COPG1: variants seen among roughly 807,000 people sequenced by gnomAD.
COPG1 encodes coatomer subunit gamma-1.
In COPG1, 29 loss-of-function variants were observed where a neutral mutation model predicts 102.8. The observed-to-expected ratio is 0.28, with a 90% CI of 0.21 to 0.38. The LOEUF (loss-of-function observed/expected upper bound fraction) is 0.38. COPG1 is among the 10% of genes least tolerant of loss of function. COPG1 has a pLI of 1.00. For missense variants in COPG1, 875 were observed against 1,132.7 expected (o/e 0.77, Z 3.27); for synonymous variants, 406 against 421.6 (o/e 0.96, Z 0.45).
rs1270458650 is a variant in COPG1, at chr3:129,260,330, C to T, written c.872-3C>T. On this transcript the variant is annotated splice_polypyrimidine_tract_variant and splice_region_variant and intron_variant, in intron 10 of 23. Coordinates refer to ENST00000314797, the MANE Select transcript of COPG1 (RefSeq NM_016128.4). ...CTGACATGTGGCATCCATCTCCCCA[C>T]AGTGCTCCAGCTTTTCTGCAGCTCA... 5 of 1,614,032 alleles carry T rather than the reference C, an allele frequency of 3.1e-6. No individual in the cohort carries two copies. Among genetic ancestry groups the T allele is most frequent in the Non-Finnish European group, 3.4e-6 (4 of 1,179,948 alleles).
chr3:129,257,639 C>CG lies in COPG1; in HGVS notation c.737+12_737+13insG, dbSNP rs1445724060. 7.4e-6 allele frequency: 12 copies of CG among 1,614,074 alleles called. No individual in the cohort carries two copies. The highest frequency in any genetic ancestry group is 1.0e-5 in the Non-Finnish European group (12 of 1,180,030). On this transcript the variant is annotated intron_variant, in intron 9 of 23. Transcript: ENST00000314797. Reference sequence around the variant, plus strand: ...GAGGAGGATGGCAGGTAACGGCTCTCATCTCTCACCAGCTAGATGATGCCT... The same window carrying CG: ...GAGGAGGATGGCAGGTAACGGCTCTCGATCTCTCACCAGCTAGATGATGCCT...
chr3:129,260,592 C>G, intron 11 of COPG1, 27 bp from the exon 12 acceptor site: 1 of 1,610,138 alleles, frequency 6.2e-7, no homozygotes, highest in Non-Finnish European at 8.5e-7. Context: ...GGTTCCTGCC[C>G]TCTCTGTCAC....
In COPG1 at chr3:129,268,554, T is replaced by C. The variant is rs776358572; in HGVS notation, c.1708T>C (p.Ser570Pro). 1 of 1,614,116 alleles carries C rather than the reference T, an allele frequency of 6.2e-7. No individual in the cohort carries two copies. The highest frequency in any genetic ancestry group is 1.1e-5 in the South Asian group (1 of 91,078). ...TCTGCAGCAGTACACTCTAGAACCA[T>C]CAGAAAAACCTTTTGACCTCAAGTC... is the stretch of plus-strand genomic sequence containing the variant. Reference protein sequence around the residue: ...RALQQYTLEPSEKPFDLKSVP... With the variant: ...RALQQYTLEPPEKPFDLKSVP... The change falls in exon 17 of 24, where the codon TCA becomes CCA. Residue 570 changes from serine (S) to proline (P), a missense_variant. Ser to Pro is a moderately conservative substitution (Grantham distance 74). Coordinates refer to ENST00000314797, the MANE Select transcript of COPG1 (RefSeq NM_016128.4).
At position 129,256,057 on chromosome 3, in the gene COPG1, G is replaced by A. The variant is rs762583744; in HGVS notation, c.493-11G>A. 1 of 1,613,148 alleles carries A rather than the reference G, an allele frequency of 6.2e-7. No individual in the cohort carries two copies. The highest frequency in any genetic ancestry group is 1.1e-5 in the South Asian group (1 of 91,034). On this transcript the variant is annotated splice_polypyrimidine_tract_variant and intron_variant, in intron 7 of 23. Transcript: ENST00000314797. Reference sequence around the variant, plus strand: ...TCCTACCTGCCCCTTAATGTGTCCTGTTGCCCACAGCACCTGCTGAAGTGC... The same window carrying A: ...TCCTACCTGCCCCTTAATGTGTCCTATTGCCCACAGCACCTGCTGAAGTGC...
Position 129,271,855 on chromosome 3 carries a change from G to A in COPG1, c.1932G>A (p.Thr644=), listed in dbSNP as rs563330778. ...CCGTGGCCCTCACCGAGTCAGAGAC[G>A]GAGTATGTCATCCGCTGCACCAAAC... ...PEPVALTESE[T]EYVIRCTKHT... is the part of the protein sequence containing the mutation. Residue 644 remains threonine, a synonymous_variant, in exon 19 of 24, where the codon ACG becomes ACA. Coordinates refer to ENST00000314797, the MANE Select transcript of COPG1 (RefSeq NM_016128.4). This position sits in a 1 kb window ranked among gnomAD's most constrained non-coding sequence, Gnocchi z 4.7. 3.1e-6 allele frequency: 5 copies of A among 1,614,168 alleles called. No homozygotes were observed. The highest frequency in any genetic ancestry group is 3.4e-6 in the Non-Finnish European group (4 of 1,180,026).
Position 129,272,074 on chromosome 3 carries a change from G to A in COPG1, c.1986+165G>A, listed in dbSNP as rs926439560. On this transcript the variant is annotated intron_variant, in intron 19 of 23. Coordinates refer to ENST00000314797, the MANE Select transcript of COPG1 (RefSeq NM_016128.4). The stretch of plus-strand genomic sequence containing the variant: ...TCGGTCTCTCATATCTCTTGACTCG[G>A]GACATCCATGGCTCCCGATTGTCAG... The A allele has an allele frequency of 5.1e-6, 5 of 986,376 alleles. No individual in the cohort carries two copies. The African/African-American group carries it at 8.2e-5, about 16-fold the overall frequency. The allele number at this position is 986,376 out of a possible 1,614,324, so 61.1% of individuals were successfully genotyped here.
chr3:129,275,257 C>G lies in COPG1; in HGVS notation c.2459C>G (p.Pro820Arg). 1 of 1,614,040 alleles carries G rather than the reference C, an allele frequency of 6.2e-7. No homozygotes were observed. The highest frequency in any genetic ancestry group is 8.5e-7 in the Non-Finnish European group (1 of 1,179,982). The change falls in exon 23 of 24, where the codon CCG becomes CGG. Residue 820 changes from proline (P) to arginine (R), a missense_variant. Coordinates refer to ENST00000314797, the MANE Select transcript of COPG1 (RefSeq NM_016128.4). The surrounding 1 kb of genome is among the most constrained non-coding windows in gnomAD (Gnocchi z 5.0). ...MHPCERSDKVPDNKNTHTLLL... is the reference protein window; with the variant it reads ...MHPCERSDKVRDNKNTHTLLL... ...CCTTGTGAGAGGTCAGACAAAGTGC[C>G]GGATAACAAGAACACCCACACGTTG... is the stretch of plus-strand genomic sequence containing the variant.
At position 129,271,857 on chromosome 3, in the gene COPG1, A is replaced by C; in HGVS notation, c.1934A>C (p.Glu645Ala). 6.2e-7 allele frequency: 1 copy of C among 1,614,164 alleles called. No homozygotes were observed. ...EPVALTESETEYVIRCTKHTF... is the reference protein window; with the variant it reads ...EPVALTESETAYVIRCTKHTF... ...GTGGCCCTCACCGAGTCAGAGACGG[A>C]GTATGTCATCCGCTGCACCAAACAC... The change falls in exon 19 of 24, where the codon GAG becomes GCG. Residue 645 changes from glutamate to alanine, a missense_variant. Transcript: ENST00000314797. The surrounding 1 kb of genome is among the most constrained non-coding windows in gnomAD (Gnocchi z 4.7).
intron 12 of COPG1, 139 bp downstream of exon 12, chr3:129,260,946 T>C (rs1054152878): frequency 4.9e-6 from 4 of 821,860 alleles, no homozygotes; most frequent in Admixed American, 2.7e-5. Flanking sequence ...AGCAGTTTGC[T>C]CTGCAGAGAC....
At chr3:129,270,385 C>G (rs931873786) in intron 18 of COPG1, among the ~76,000 whole-genome samples, 1 of 152,106 alleles carries the variant, frequency 6.6e-6, no homozygotes, top group Non-Finnish European at 1.5e-5. Context: ...GAATTTATTG[C>G]CTCATTTGTC....
At chr3:129,274,174 T>G in intron 21 of COPG1, 1 of 430,064 alleles carries the variant, frequency 2.3e-6, no homozygotes, top group Non-Finnish European at 4.6e-6. Flanking sequence ...TTTGAGCCCA[T>G]CCAGAGATGA....
intron 19 of COPG1, 115 bp downstream of exon 19, chr3:129,272,024 G>T: frequency 8.0e-7 from 1 of 1,251,124 alleles, no homozygotes. Flanking sequence ...AGCCCAACTT[G>T]ATGACAGAAT....
chr3:129,263,034 AAG>A (rs11396308), intron 12 of COPG1, among the ~76,000 whole-genome samples: 2,074 of 144,296 alleles, frequency 0.014, 29 homozygotes, highest in Middle Eastern at 0.061. Context: ...AAAAAAAAAA[AAG>A]AGTCCTTCTG....
chr3:129,268,414 G>T, intron 16 of COPG1, 81 bp from the exon 17 acceptor site: 1 of 1,490,478 alleles, frequency 6.7e-7, no homozygotes, highest in Non-Finnish European at 9.1e-7. Flanking sequence ...TTGTAACTTC[G>T]GGACCCCAGG....
chr3:129,264,018 CG>C lies in COPG1; in HGVS notation c.1224+24del. On this transcript the variant is annotated intron_variant, in intron 13 of 23. Coordinates refer to ENST00000314797, the MANE Select transcript of COPG1 (RefSeq NM_016128.4). ...GGAAGAGGTAAGAGTCAGGGGCATT[CG>C]GGGGATGCCAGGTCTCCTGGTGCAG... is the stretch of plus-strand genomic sequence containing the variant. The C allele has an allele frequency of 1.2e-6, 2 of 1,601,448 alleles. No individual in the cohort carries two copies. The highest frequency in any genetic ancestry group is 1.7e-6 in the Non-Finnish European group (2 of 1,168,846).
Position 129,265,790 on chromosome 3 carries a change from C to T in COPG1, c.1466C>T (p.Ala489Val). ...GTCTTGGAGCATGAGGAGGTCCGGGCAGGTAGGTCTGAGCCAGGGCTGAAC... is the reference window on the plus strand; with the variant it reads ...GTCTTGGAGCATGAGGAGGTCCGGGTAGGTAGGTCTGAGCCAGGGCTGAAC... ...RVVLEHEEVR[A>V]GAVSALAKFG... is the part of the protein sequence containing the mutation. Residue 489 changes from alanine to valine, a missense_variant and splice_region_variant, in exon 14 of 24, where the codon GCA becomes GTA. Coordinates refer to ENST00000314797, the MANE Select transcript of COPG1 (RefSeq NM_016128.4). 6.2e-7 allele frequency: 1 copy of T among 1,613,732 alleles called. No individual in the cohort carries two copies. The highest frequency in any genetic ancestry group is 2.2e-5 in the East Asian group (1 of 44,878).
chr3:129,277,535 T>G lies in COPG1; in HGVS notation c.*111T>G. ...CCCAAGCTTCTGTATTGAAAAACAA[T>G]TAGGAATCATTGCAGATTTTTTTTT... On this transcript the variant is annotated 3_prime_UTR_variant, in exon 24 of 24. Transcript: ENST00000314797. 8 of 1,182,924 alleles carry G rather than the reference T, an allele frequency of 6.8e-6. No homozygotes were observed. Among genetic ancestry groups the G allele is most frequent in the Non-Finnish European group, 8.3e-6 (7 of 848,262 alleles). The allele number at this position is 1,182,924 out of a possible 1,614,324, so 73.3% of individuals were successfully genotyped here.
chr3:129,257,962 T>C (rs1939849504), intron 10 of COPG1, 102 bp downstream of exon 10: 4 of 1,449,778 alleles, frequency 2.8e-6, no homozygotes, highest in South Asian at 2.6e-5. Flanking sequence ...TCTTAACAAG[T>C]GTTAAGGAGT....
At chr3:129,265,079 C>T (rs899236058) in intron 13 of COPG1, among the ~76,000 whole-genome samples, 2 of 151,616 alleles carry the variant, frequency 1.3e-5, no homozygotes, top group Non-Finnish European at 2.9e-5. Flanking sequence ...CCTTGGCCTC[C>T]CAAAGTGCTG....
Sources: gnomAD v4.1 joint callset for allele counts (sites outside exome capture counted in the v4.1 genomes callset) on GRCh38, gnomAD v4.1.1 for gene constraint, Gnocchi (gnomAD v3.1) non-coding constraint, MANE v1.5 for transcripts, NCBI Gene and HGNC (gene_info 2026-07-23, HGNC 2026-07-21) for gene names.